TCERG1L: variants seen among roughly 807,000 people sequenced by gnomAD.
TCERG1L encodes transcription elongation regulator 1-like protein.
A neutral mutation model predicts 56.3 loss-of-function variants in TCERG1L; 37 were observed. The observed-to-expected ratio is 0.66, with a 90% CI of 0.51 to 0.87. The LOEUF (loss-of-function observed/expected upper bound fraction) is 0.87. TCERG1L is among the 40% of genes least tolerant of loss of function. The pLI, the probability that TCERG1L is intolerant of heterozygous loss-of-function variation, is 0.00. For missense variants in TCERG1L, 799 were observed against 774.2 expected (o/e 1.03, Z -0.38); for synonymous variants, 324 against 326.3 (o/e 0.99, Z 0.08).
intron 4 of TCERG1L, among the ~76,000 whole-genome samples, chr10:131,229,413 G>A (rs980100198): frequency 2.6e-5 from 4 of 152,190 alleles, no homozygotes; most frequent in African/African-American, 7.2e-5. Context: ...AACCCCAGCC[G>A]TCAATGACAC....
intron 4 of TCERG1L, among the ~76,000 whole-genome samples, chr10:131,200,600 C>T (rs1422501433): frequency 6.6e-6 from 1 of 152,140 alleles, no homozygotes; most frequent in Non-Finnish European, 1.5e-5. Flanking sequence ...AGGCTCACAG[C>T]TGGAGGGAAA....
chr10:131,175,101 C>A (rs952518483), intron 4 of TCERG1L, among the ~76,000 whole-genome samples: 22 of 152,182 alleles, frequency 1.4e-4, no homozygotes, highest in Non-Finnish European at 2.5e-4. Flanking sequence ...GAATGGCCTG[C>A]GGAGGTGGTG....
rs183346397 is a variant in TCERG1L, at chr10:131,292,166, G to A, written c.670+16045C>T. The stretch of plus-strand genomic sequence containing the variant: ...CAGTAAAACAATAAACAGTGACTCC[G>A]ACTATCCAAGGACTGGTAACAGTGT... On this transcript the variant is annotated intron_variant, in intron 3 of 11. Transcript: ENST00000368642. 1.5e-3 allele frequency among the ~76,000 whole-genome samples: 234 copies of A among 152,250 alleles called. 2 individuals are homozygous for A. Among genetic ancestry groups the A allele is most frequent in the African/African-American group, 5.2e-3 (216 of 41,556 alleles).
At chr10:131,199,980 A>G (rs1334928149) in intron 4 of TCERG1L, among the ~76,000 whole-genome samples, 1 of 152,136 alleles carries the variant, frequency 6.6e-6, no homozygotes, top group Non-Finnish European at 1.5e-5. Flanking sequence ...CTTTAGGTCA[A>G]CATTCCTCCT....
chr10:131,306,684 A>T (rs1489233836), intron 3 of TCERG1L, among the ~76,000 whole-genome samples: 1 of 152,170 alleles, frequency 6.6e-6, no homozygotes, highest in Non-Finnish European at 1.5e-5. Context: ...TAAAAATTTA[A>T]AAAATAGATA....
At chr10:131,140,903 C>T (rs1353368770) in intron 7 of TCERG1L, among the ~76,000 whole-genome samples, 3 of 152,252 alleles carry the variant, frequency 2.0e-5, no homozygotes, top group South Asian at 2.1e-4. Flanking sequence ...GTGCAGGGGC[C>T]GGGTTTGATC....
chr10:131,291,636 C>T (rs1846628170), intron 3 of TCERG1L, among the ~76,000 whole-genome samples: 1 of 151,482 alleles, frequency 6.6e-6, no homozygotes, highest in South Asian at 2.1e-4. Context: ...CCGTGTTAGC[C>T]AAGGTGGTCT....
At chr10:131,274,390 G>A (rs995051942) in intron 3 of TCERG1L, among the ~76,000 whole-genome samples, 1 of 152,280 alleles carries the variant, frequency 6.6e-6, no homozygotes, top group East Asian at 1.9e-4. Context: ...AGCATCCTAT[G>A]GCCATGAAAA....
At chr10:131,261,368 CTCT>C (rs1279374820) in intron 3 of TCERG1L, among the ~76,000 whole-genome samples, 1 of 152,228 alleles carries the variant, frequency 6.6e-6, no homozygotes, top group Non-Finnish European at 1.5e-5. Flanking sequence ...TAATTCACTA[CTCT>C]TGATCTGGCA....
chr10:131,256,992 G>GGAAGGAAAGGAA (rs1846173015), intron 4 of TCERG1L, among the ~76,000 whole-genome samples: 11 of 59,214 alleles, frequency 1.9e-4, no homozygotes, highest in African/African-American at 6.1e-4. Flanking sequence ...AAGGAAGGAA[G>GGAAGGAAAGGAA]GAAAGAAAGA....
chr10:131,241,083 C>T (rs1472665640), intron 4 of TCERG1L, among the ~76,000 whole-genome samples: 2 of 152,066 alleles, frequency 1.3e-5, no homozygotes, highest in African/African-American at 4.8e-5. Flanking sequence ...AAGAGCTCAC[C>T]CCGGAGATGG....
intron 3 of TCERG1L, among the ~76,000 whole-genome samples, chr10:131,282,984 A>C (rs958729903): frequency 1.3e-5 from 2 of 152,242 alleles, no homozygotes; most frequent in African/African-American, 4.8e-5. Context: ...TTCAGTAGGA[A>C]TCTATTGAAT....
chr10:131,217,744 C>T (rs1442111441), intron 4 of TCERG1L, among the ~76,000 whole-genome samples: 10 of 109,542 alleles, frequency 9.1e-5, no homozygotes, highest in African/African-American at 1.4e-4. Context: ...TTTTTTGAGA[C>T]GGAGTCTCAC....
intron 3 of TCERG1L, among the ~76,000 whole-genome samples, chr10:131,296,433 G>A (rs10765063): frequency 0.43 from 64,768 of 151,920 alleles, 14,650 homozygotes; most frequent in East Asian, 0.6. Flanking sequence ...TTGGCCATAC[G>A]TGCATGTGTC....
intron 4 of TCERG1L, among the ~76,000 whole-genome samples, chr10:131,248,612 G>T (rs1318748018): frequency 3.3e-5 from 5 of 152,172 alleles, no homozygotes; most frequent in African/African-American, 1.2e-4. Context: ...TGGCTGGAGG[G>T]CCATCTTAGC....
chr10:131,252,562 G>A (rs1007234674), intron 4 of TCERG1L, among the ~76,000 whole-genome samples: 5 of 152,094 alleles, frequency 3.3e-5, no homozygotes, highest in African/African-American at 1.2e-4. Context: ...CACCAAACGC[G>A]TCTATTTGAG....
At chr10:131,301,347 A>C (rs1454415453) in intron 3 of TCERG1L, among the ~76,000 whole-genome samples, 2 of 152,072 alleles carry the variant, frequency 1.3e-5, no homozygotes, top group African/African-American at 4.8e-5. Flanking sequence ...TAATTATCAT[A>C]AAAAACTCTT....
At chr10:131,237,084 C>A (rs978702211) in intron 4 of TCERG1L, among the ~76,000 whole-genome samples, 2 of 152,018 alleles carry the variant, frequency 1.3e-5, no homozygotes, top group Admixed American at 1.3e-4. Flanking sequence ...CATGCCCTGC[C>A]GCTGCCCCTC....
chr10:131,195,992 C>T (rs187925502), intron 4 of TCERG1L, among the ~76,000 whole-genome samples: 25 of 152,298 alleles, frequency 1.6e-4, no homozygotes, highest in African/African-American at 4.1e-4. Context: ...TGAGTGGACA[C>T]GCAGAAAATC....
Sources: allele counts gnomAD v4.1 joint callset (sites outside exome capture counted in the v4.1 genomes callset), GRCh38; gene constraint gnomAD v4.1.1; transcripts MANE v1.5; gene names NCBI Gene and HGNC (gene_info 2026-07-23, HGNC 2026-07-21).